The following DGLUCY variants were observed in gnomAD, a reference collection of about 807,000 sequenced individuals.
The protein encoded by DGLUCY is D-glutamate cyclase, also known as D-glutamate cyclase, mitochondrial.
A neutral mutation model predicts 58.5 loss-of-function variants in DGLUCY; 58 were observed. That is an observed-to-expected ratio of 0.99 (90% CI 0.80 to 1.23). The LOEUF (loss-of-function observed/expected upper bound fraction) is 1.23, where lower values mean the gene tolerates loss of function less well. Among genes scored for constraint, DGLUCY ranks in the 50% most tolerant of loss-of-function variants. DGLUCY has a pLI of 0.00. For synonymous variants in DGLUCY, 325 were observed against 314.1 expected (o/e 1.03, Z -0.37); for missense variants, 779 against 784.7 (o/e 0.99, Z 0.09).
chr14:91,164,226 A>G (rs2048151059), intron 3 of DGLUCY, among the ~76,000 whole-genome samples: 1 of 152,194 alleles, frequency 6.6e-6, no homozygotes, highest in African/African-American at 2.4e-5. Flanking sequence ...CTGGGATTAC[A>G]GGTGTGAGCC....
chr14:91,113,509 G>A (rs952847048), upstream of DGLUCY, among the ~76,000 whole-genome samples: 1 of 152,150 alleles, frequency 6.6e-6, no homozygotes, highest in Non-Finnish European at 1.5e-5. Flanking sequence ...TATTATCTCA[G>A]TCAATCGTCA....
intron 1 of DGLUCY, among the ~76,000 whole-genome samples, chr14:91,132,041 C>T (rs560788302): frequency 6.6e-4 from 100 of 152,314 alleles, no homozygotes; most frequent in African/African-American, 2.4e-3. Context: ...GATCTGCCCA[C>T]CTTGGCCTCC....
At chr14:91,118,478 C>T (rs57925443) in intron 1 of DGLUCY, among the ~76,000 whole-genome samples, 1 of 4,432 alleles carries the variant, frequency 2.3e-4, no homozygotes, top group Non-Finnish European at 3.3e-4. Flanking sequence ...TTTACAGATA[C>T]AAAAAGCAGT....
At chr14:91,196,594 G>A (rs1437723266) in intron 10 of DGLUCY, 120 bp downstream of exon 10, 2 of 780,824 alleles carry the variant, frequency 2.6e-6, no homozygotes, top group East Asian at 5.5e-5. Context: ...CATGAGCCAA[G>A]GAAGATGGGT....
At chr14:91,121,728 C>T (rs1283992281) in intron 1 of DGLUCY, among the ~76,000 whole-genome samples, 2 of 151,990 alleles carry the variant, frequency 1.3e-5, no homozygotes, top group African/African-American at 4.8e-5. Context: ...CATTATTTAT[C>T]TATCATCAAG....
chr14:91,092,871 G>C (rs963297873), intron 1 of DGLUCY, among the ~76,000 whole-genome samples: 1 of 152,120 alleles, frequency 6.6e-6, no homozygotes, highest in Non-Finnish European at 1.5e-5. Flanking sequence ...ATCACCTGAG[G>C]TCAGGAGTTC....
chr14:91,126,793 C>T (rs1423156481), intron 1 of DGLUCY, among the ~76,000 whole-genome samples: 1 of 152,136 alleles, frequency 6.6e-6, no homozygotes, highest in Non-Finnish European at 1.5e-5. Context: ...TACAAAGACC[C>T]GTTTTCCAAA....
At chr14:91,064,399 G>A (rs1329527281) in intron 1 of DGLUCY, among the ~76,000 whole-genome samples, 1 of 152,106 alleles carries the variant, frequency 6.6e-6, no homozygotes, top group East Asian at 1.9e-4. Context: ...GGGACGCTGA[G>A]ATGGGCAGAT....
chr14:91,218,273 A>C (rs894943698), intron 13 of DGLUCY, among the ~76,000 whole-genome samples: 1 of 152,240 alleles, frequency 6.6e-6, no homozygotes. Context: ...ACGCAGACAC[A>C]AAAGAACGAA....
At chr14:91,208,225 C>T (rs1487818558) in intron 12 of DGLUCY, among the ~76,000 whole-genome samples, 1 of 152,136 alleles carries the variant, frequency 6.6e-6, no homozygotes, top group Non-Finnish European at 1.5e-5. Flanking sequence ...AGAAGAAATT[C>T]TTCAGAGAGA....
At chr14:91,164,622 A>G (rs1349673511) in intron 3 of DGLUCY, among the ~76,000 whole-genome samples, 1 of 152,198 alleles carries the variant, frequency 6.6e-6, no homozygotes, top group Admixed American at 6.5e-5. Flanking sequence ...GAGAAGATCT[A>G]GGAGCATTCT....
At position 91,175,938 on chromosome 14, in the gene DGLUCY, GT is replaced by G. The variant is rs1385759087; in HGVS notation, c.614del (p.Leu205TrpfsTer30). 2 of 1,613,852 alleles carry G rather than the reference GT, an allele frequency of 1.2e-6. No homozygotes were observed. The highest frequency in any genetic ancestry group is 8.5e-7 in the Non-Finnish European group (1 of 1,179,790). ...ATTTTCCTTTTCCATCTGCAGAACT[GT>G]TGGGAATCAAAGAGCTTTCCAAACC... The part of the protein sequence containing the change: ...QPVHMGDPEL[L>X]GIKELSKPAY... On this transcript the variant is annotated frameshift_variant, in exon 7 of 14. Transcript: ENST00000256324. LOFTEE classifies it high-confidence loss of function.
chr14:91,224,883 TC>T lies in DGLUCY; in HGVS notation c.*52del. 2 of 1,524,824 alleles carry T rather than the reference TC, an allele frequency of 1.3e-6. No homozygotes were observed. Among genetic ancestry groups the T allele is most frequent in the Non-Finnish European group, 1.8e-6 (2 of 1,125,468 alleles). The allele number at this position is 1,524,824 out of a possible 1,614,324, so 94.5% of individuals were successfully genotyped here. A position where few individuals can be genotyped will look rare whatever the true frequency, so the allele number is the denominator to read the frequency against. On this transcript the variant is annotated 3_prime_UTR_variant, in exon 14 of 14. Transcript: ENST00000256324. ...GTCCCTACCAACGGGCAGGTCTGCA[TC>T]CGGGGAGAATGCAGCTGCTTCTGGC...
intron 1 of DGLUCY, among the ~76,000 whole-genome samples, chr14:91,083,705 C>T (rs2044166567): frequency 6.6e-6 from 1 of 151,974 alleles, no homozygotes; most frequent in Admixed American, 6.6e-5. Flanking sequence ...GAGATGCCAG[C>T]AATGTTTTTC....
At chr14:91,162,846 G>A (rs536669633) in intron 3 of DGLUCY, among the ~76,000 whole-genome samples, 8 of 150,250 alleles carry the variant, frequency 5.3e-5, no homozygotes, top group Non-Finnish European at 1.0e-4. Context: ...GCAGTGAGCC[G>A]AGATCGCACC....
rs191675819 is a variant in DGLUCY at position 91,081,220 on chromosome 14, A to G, written c.-82+20516A>G. On this transcript the variant is annotated intron_variant, in intron 1 of 4. Coordinates refer to the DGLUCY transcript ENST00000521334. The stretch of plus-strand genomic sequence containing the variant: ...TCCGTCTCAAAAAAAAAACAAAAAA[A>G]AAAGCATGTATTAAGAGAATAATAA... Among the ~76,000 whole-genome samples, 57 of 130,152 alleles carry G rather than the reference A, an allele frequency of 4.4e-4. 1 individual carries two copies. In the East Asian group the frequency reaches 0.011, roughly 26 times the overall value. 85.4% of individuals were successfully genotyped at this position (130,152 alleles called of 152,430 possible).
intron 5 of DGLUCY, 88 bp downstream of exon 5, chr14:91,170,289 C>T: frequency 7.1e-7 from 1 of 1,399,546 alleles, no homozygotes; most frequent in Non-Finnish European, 9.6e-7. Flanking sequence ...AGAACATGGG[C>T]ACGGGAGGTG....
intron 9 of DGLUCY, 139 bp downstream of exon 9, chr14:91,189,309 A>T: frequency 8.5e-7 from 1 of 1,179,136 alleles, no homozygotes; most frequent in Non-Finnish European, 1.2e-6. Context: ...GCTTGATTTC[A>T]TAGACGAAGA....
chr14:91,150,792 G>C (rs1002906227), intron 1 of DGLUCY, among the ~76,000 whole-genome samples: 2 of 152,042 alleles, frequency 1.3e-5, no homozygotes, highest in African/African-American at 4.8e-5. Flanking sequence ...TTTTTATTAT[G>C]GTTAAAAATA....
Sources: allele counts gnomAD v4.1 joint callset (sites outside exome capture counted in the v4.1 genomes callset), GRCh38; gene constraint gnomAD v4.1.1; transcripts MANE v1.5; gene names NCBI Gene and HGNC (gene_info 2026-07-23, HGNC 2026-07-21).